The following KIAA1549 variants were observed in gnomAD, a reference collection of about 807,000 sequenced individuals.
KIAA1549 encodes the protein KIAA1549.
Under a neutral mutation model 156.4 loss-of-function variants are expected in KIAA1549, and 70 were observed. The ratio of observed to expected loss-of-function variants is 0.45; its 90% CI spans 0.37 to 0.55. KIAA1549 has a LOEUF of 0.55. KIAA1549 is among the 20% of genes least tolerant of loss of function. The pLI is 0.00. For synonymous variants in KIAA1549, 1,103 were observed against 1,066.4 expected (o/e 1.03, Z -0.67); for missense variants, 2,428 against 2,540.9 (o/e 0.96, Z 0.96).
chr7:138,838,123 G>C lies in KIAA1549; in HGVS notation c.5636C>G (p.Pro1879Arg). 6.5e-7 allele frequency: 1 copy of C among 1,527,500 alleles called. No individual in the cohort carries two copies. The highest frequency in any genetic ancestry group is 8.7e-7 in the Non-Finnish European group (1 of 1,143,064). The allele number at this position is 1,527,500 out of a possible 1,614,324, so 94.6% of individuals were successfully genotyped here. Reference sequence around the variant, plus strand: ...TGAAGTCCTTGGCACCTGAAATAGCGGTGAAGAAGAATACTCTTGATGTCC... The same window carrying C: ...TGAAGTCCTTGGCACCTGAAATAGCCGTGAAGAAGAATACTCTTGATGTCC... Reference protein sequence around the residue: ...MLGHQEYSSSPLFQVPRTSGR... With the variant: ...MLGHQEYSSSRLFQVPRTSGR... The change falls in exon 20 of 20, where the codon CCG becomes CGG. Residue 1879 changes from proline to arginine, a missense_variant. Pro to Arg is a moderately radical substitution (Grantham distance 103). This residue lies in a region of KIAA1549 where 363 missense variants were observed against 354.0 expected (regional missense o/e 1.03). Transcript: ENST00000422774.
intron 1 of KIAA1549, among the ~76,000 whole-genome samples, chr7:138,978,007 C>A (rs1286319907): frequency 6.6e-6 from 1 of 152,132 alleles, no homozygotes; most frequent in Non-Finnish European, 1.5e-5. Flanking sequence ...GCCAGCAGAG[C>A]CTTCTCTATG....
chr7:138,925,083 G>A (rs936124635), intron 1 of KIAA1549, among the ~76,000 whole-genome samples: 6 of 152,028 alleles, frequency 3.9e-5, no homozygotes, highest in South Asian at 2.1e-4. Context: ...CCTGCACCTC[G>A]CCCTGGCCAG....
intron 9 of KIAA1549, 108 bp downstream of exon 9, chr7:138,898,847 G>A: frequency 1.1e-6 from 1 of 936,248 alleles, no homozygotes; most frequent in East Asian, 2.4e-5. Context: ...TCACCATCAG[G>A]GTTATACACA....
chr7:138,902,614 T>A (rs1413825452), intron 8 of KIAA1549, among the ~76,000 whole-genome samples: 1 of 152,132 alleles, frequency 6.6e-6, no homozygotes, highest in African/African-American at 2.4e-5. Context: ...TTGTAACCTG[T>A]CTGCCAGTTT....
chr7:138,836,877 G>A lies in KIAA1549; in HGVS notation c.*1029C>T. ...CACAGGGAATGTGACTGGTAGGGAT[G>A]TATGTATAACAATTTCGTGGTGCTG... On this transcript the variant is annotated 3_prime_UTR_variant, in exon 20 of 20. Coordinates refer to ENST00000422774, the MANE Select transcript of KIAA1549 (RefSeq NM_001164665.2). 4.4e-6 allele frequency: 1 copy of A among 225,962 alleles called. No homozygotes were observed. The highest frequency in any genetic ancestry group is 8.8e-6 in the Non-Finnish European group (1 of 113,508). The allele number at this position is 225,962 out of a possible 1,614,324, so 14.0% of individuals were successfully genotyped here.
intron 1 of KIAA1549, among the ~76,000 whole-genome samples, chr7:138,925,280 T>C (rs1359612967): frequency 2.0e-5 from 3 of 152,090 alleles, no homozygotes; most frequent in Non-Finnish European, 4.4e-5. Flanking sequence ...TGTTTTTCTA[T>C]CTGGAAATCT....
intron 1 of KIAA1549, 144 bp downstream of exon 1, chr7:138,980,939 G>A (rs1448317770): frequency 9.2e-6 from 7 of 760,604 alleles, no homozygotes; most frequent in Non-Finnish European, 1.2e-5. Context: ...GGCCCCAGAA[G>A]AATGGCAAAG....
At chr7:138,957,638 C>T (rs975741690) in intron 1 of KIAA1549, among the ~76,000 whole-genome samples, 1 of 151,984 alleles carries the variant, frequency 6.6e-6, no homozygotes, top group African/African-American at 2.4e-5. Context: ...TCATGACACC[C>T]AGCTAATTCT....
At chr7:138,876,520 T>A (rs996777606) in intron 12 of KIAA1549, 5 of 152,174 alleles carry the variant, frequency 3.3e-5, no homozygotes, top group African/African-American at 1.2e-4. Context: ...GCACATGAAA[T>A]TCTAGAATTT....
intron 1 of KIAA1549, among the ~76,000 whole-genome samples, chr7:138,931,868 T>C (rs1169905997): frequency 6.6e-6 from 1 of 152,170 alleles, no homozygotes; most frequent in Non-Finnish European, 1.5e-5. Context: ...TTTAAGAAAT[T>C]GTTCCCGTCA....
intron 1 of KIAA1549, among the ~76,000 whole-genome samples, chr7:138,941,434 CAAAGAACAGATTAAG>C (rs1339357264): frequency 6.6e-6 from 1 of 152,164 alleles, no homozygotes; most frequent in African/African-American, 2.4e-5. Flanking sequence ...AGCACCTTTC[CAAAGAACAGATTAAG>C]AAGTACTAAA....
At chr7:138,908,651 A>G (rs1294047083) in intron 5 of KIAA1549, among the ~76,000 whole-genome samples, 1 of 152,228 alleles carries the variant, frequency 6.6e-6, no homozygotes, top group Non-Finnish European at 1.5e-5. Flanking sequence ...CGTTCTTAGT[A>G]GCTATATGGA....
At chr7:138,911,413 T>C in intron 3 of KIAA1549, 90 bp from the exon 4 acceptor site, 2 of 966,906 alleles carry the variant, frequency 2.1e-6, no homozygotes, top group Non-Finnish European at 1.5e-6. Context: ...AAAAAACTGG[T>C]AGTTTTGAAT....
intron 6 of KIAA1549, among the ~76,000 whole-genome samples, chr7:138,905,331 C>T (rs914886373): frequency 2.0e-5 from 3 of 152,208 alleles, no homozygotes; most frequent in South Asian, 4.1e-4. Flanking sequence ...GAGAGGTCAC[C>T]GGCAAGTTCT....
Position 138,918,362 on chromosome 7 carries a change from C to T in KIAA1549, c.1264G>A (p.Ala422Thr). ...TGAGGTGAAGGCACAGTGCAGGCCGCACACCAAGTGTATGGTCTGAATGAG... is the reference window on the plus strand; with the variant it reads ...TGAGGTGAAGGCACAGTGCAGGCCGTACACCAAGTGTATGGTCTGAATGAG... ...VSSFRPYTWCAACTVPSPQQV... is the reference protein window; with the variant it reads ...VSSFRPYTWCTACTVPSPQQV... The change falls in exon 2 of 20, where the codon GCG becomes ACG. Residue 422 changes from alanine to threonine, a missense_variant. Ala to Thr is a moderately conservative substitution (Grantham distance 58). Coordinates refer to ENST00000422774, the MANE Select transcript of KIAA1549 (RefSeq NM_001164665.2). The surrounding 1 kb of genome is among the most constrained non-coding windows in gnomAD (Gnocchi z 4.2). 1.2e-6 allele frequency: 2 copies of T among 1,613,926 alleles called. No homozygotes were observed. The highest frequency in any genetic ancestry group is 1.7e-6 in the Non-Finnish European group (2 of 1,179,880).
intron 18 of KIAA1549, among the ~76,000 whole-genome samples, chr7:138,842,532 C>A (rs1433090201): frequency 6.6e-6 from 1 of 152,130 alleles, no homozygotes. Flanking sequence ...TCCAAAAATA[C>A]AAAAATTAGC....
chr7:138,945,297 C>T (rs1387100239), intron 1 of KIAA1549, among the ~76,000 whole-genome samples: 2 of 152,214 alleles, frequency 1.3e-5, no homozygotes, highest in African/African-American at 2.4e-5. Context: ...CAGCCACTGT[C>T]TAAGACATCT....
At chr7:138,938,996 CGAGT>C (rs932231191) in intron 1 of KIAA1549, among the ~76,000 whole-genome samples, 9 of 151,968 alleles carry the variant, frequency 5.9e-5, no homozygotes, top group Non-Finnish European at 1.0e-4. Flanking sequence ...TGCAGTGAGC[CGAGT>C]GAGACTCTGT....
intron 16 of KIAA1549, among the ~76,000 whole-genome samples, chr7:138,857,343 C>T (rs1481346463): frequency 2.6e-5 from 4 of 152,096 alleles, no homozygotes; most frequent in South Asian, 2.1e-4. Context: ...GTGGTATATT[C>T]GTAAATGGAG....
Sources: gnomAD v4.1 joint callset for allele counts (sites outside exome capture counted in the v4.1 genomes callset) on GRCh38, gnomAD v4.1.1 for gene constraint, gnomAD v4.1.1 regional missense constraint, Gnocchi (gnomAD v3.1) non-coding constraint, MANE v1.5 for transcripts, NCBI Gene and HGNC (gene_info 2026-07-23, HGNC 2026-07-21) for gene names.